NBPF8: variants seen among roughly 807,000 people sequenced by gnomAD.
NBPF8 encodes the protein NBPF member 8.
At chr1:120,435,694 GA>G (rs1388010319), upstream of NBPF8, among the ~76,000 whole-genome samples, 197 of 141,878 alleles carry the variant, frequency 1.4e-3, no homozygotes, top group South Asian at 0.013. Flanking sequence ...TACAAAAAAA[GA>G]AAAAAAAAAA....
intron 3 of NBPF8, among the ~76,000 whole-genome samples, chr1:120,428,136 T>C (rs1660772004): frequency 6.6e-6 from 1 of 152,026 alleles, no homozygotes; most frequent in African/African-American, 2.4e-5. Context: ...GTTTATAATA[T>C]GCAAATTTGT....
At chr1:120,464,334 G>C in intron 22 of NBPF8, 42 bp from the exon 21 acceptor site, 2 of 756,786 alleles carry the variant, frequency 2.6e-6, no homozygotes, top group Non-Finnish European at 4.7e-6. Context: ...TGTTGTGTCT[G>C]ATTTCCCCTG....
rs1486162575 is a variant in NBPF8 at position 120,442,905 on chromosome 1, C to T, written n.1013C>T. On this transcript the variant is annotated non_coding_transcript_exon_variant, in exon 6 of 25. Transcript: ENST00000583271. ...TGGTATCAGCCGGCCCTTTGTCCAG[C>T]GAGAAGGCAGAGATGAACATTCTAG... The T allele has an allele frequency of 1.7e-4, 31 of 178,634 alleles. 1 individual carries two copies. In the East Asian group the frequency reaches 2.6e-3, roughly 15 times the overall value. The allele number at this position is 178,634 out of a possible 1,614,324, so 11.1% of individuals were successfully genotyped here. A position where few individuals can be genotyped will look rare whatever the true frequency, so the allele number is the denominator to read the frequency against.
At chr1:120,449,749 G>C (rs1409551645) in intron 11 of NBPF8, among the ~76,000 whole-genome samples, 5 of 152,170 alleles carry the variant, frequency 3.3e-5, no homozygotes, top group Non-Finnish European at 7.3e-5. Flanking sequence ...CTAGTCTGTT[G>C]TTCTAAATGT....
exon 8 of NBPF8, chr1:120,445,975 A>T: frequency 9.3e-7 from 1 of 1,071,814 alleles, no homozygotes; most frequent in South Asian, 1.3e-5. Flanking sequence ...TCCCAGGGGC[A>T]GGACCTCCAA....
At chr1:120,459,701 T>G (rs1395713276) in intron 17 of NBPF8, among the ~76,000 whole-genome samples, 171 bp downstream of exon 15, 2 of 151,928 alleles carry the variant, frequency 1.3e-5, no homozygotes, top group East Asian at 1.9e-4. Flanking sequence ...AGCACAGGCA[T>G]GGGGTGGGTC....
chr1:120,462,189 A>T, exon 20 of NBPF8: 1 of 555,852 alleles, frequency 1.8e-6, no homozygotes, highest in Non-Finnish European at 3.1e-6. Context: ...AAGACCCATC[A>T]TGCCCCAGGT....
downstream of NBPF8, among the ~76,000 whole-genome samples, chr1:120,469,668 T>C (rs2101710417): frequency 6.6e-6 from 1 of 151,484 alleles, no homozygotes; most frequent in Non-Finnish European, 1.5e-5. Flanking sequence ...TAAAGAACAC[T>C]TTACCTAACT....
At chr1:120,415,602 C>A (rs1557924390), upstream of NBPF8, among the ~76,000 whole-genome samples, 1 of 152,180 alleles carries the variant, frequency 6.6e-6, no homozygotes, top group Admixed American at 6.5e-5. Flanking sequence ...TGACCCCGCA[C>A]CCCACCCTCG....
intron 18 of NBPF8, 73 bp downstream of exon 16, chr1:120,460,697 C>T: frequency 3.4e-6 from 3 of 875,980 alleles, no homozygotes; most frequent in Non-Finnish European, 3.8e-6. Flanking sequence ...GAAAACAGTA[C>T]ATGCTGAAAA....
rs1661366707 is a variant in NBPF8 at position 120,454,144 on chromosome 1, C to A, written n.2568+30C>A. 1.9e-6 allele frequency: 3 copies of A among 1,607,358 alleles called. No individual in the cohort carries two copies. In the South Asian group the frequency reaches 3.3e-5, roughly 18 times the overall value. ...CCTCTGTTTTCCTTGTGTCTCATACCTCTCTCTAGGCTGAGGAAGATAAAC... is the reference window on the plus strand; with the variant it reads ...CCTCTGTTTTCCTTGTGTCTCATACATCTCTCTAGGCTGAGGAAGATAAAC... On this transcript the variant is annotated intron_variant and non_coding_transcript_variant, in intron 15 of 24. Transcript: ENST00000583271.
At chr1:120,424,503 A>G (rs1324250490) in intron 1 of NBPF8, among the ~76,000 whole-genome samples, 1 of 152,054 alleles carries the variant, frequency 6.6e-6, no homozygotes, top group Non-Finnish European at 1.5e-5. Context: ...GCTCAAATGC[A>G]ACGGCGCCAT....
At chr1:120,415,203 C>A (rs1553244896), upstream of NBPF8, among the ~76,000 whole-genome samples, 1 of 152,164 alleles carries the variant, frequency 6.6e-6, no homozygotes, top group African/African-American at 2.4e-5. Context: ...AGGAGCGGGC[C>A]GAGGCGCGGC....
intron 1 of NBPF8, among the ~76,000 whole-genome samples, chr1:120,425,161 A>G (rs1250827977): frequency 1.6e-4 from 25 of 152,258 alleles, no homozygotes; most frequent in Non-Finnish European, 2.8e-4. Context: ...TCCCCCAGCC[A>G]GACACCCGTA....
chr1:120,420,999 C>A (rs1381414937), intron 1 of NBPF8, among the ~76,000 whole-genome samples: 1 of 144,766 alleles, frequency 6.9e-6, no homozygotes, highest in South Asian at 2.2e-4. Flanking sequence ...GACAAATGGA[C>A]GATGTCAGAC....
At chr1:120,462,024 C>A in intron 19 of NBPF8, 122 bp from the exon 18 acceptor site, 2 of 343,806 alleles carry the variant, frequency 5.8e-6, no homozygotes, top group Non-Finnish European at 1.0e-5. Context: ...AAGAATATCT[C>A]TCACAGTGTC....
chr1:120,434,229 T>C (rs1553247449), upstream of NBPF8, among the ~76,000 whole-genome samples: 5 of 139,946 alleles, frequency 3.6e-5, no homozygotes, highest in Non-Finnish European at 6.0e-5. Flanking sequence ...AAGAAAAAAA[T>C]ATATATATAT....
At chr1:120,425,432 C>A (rs1309971926) in intron 1 of NBPF8, among the ~76,000 whole-genome samples, 16 of 151,990 alleles carry the variant, frequency 1.1e-4, no homozygotes, top group African/African-American at 3.4e-4. Flanking sequence ...TTTTCTTTAC[C>A]TTGTTTATGA....
exon 25 of NBPF8, chr1:120,467,649 G>A (rs1228559652): frequency 4.1e-5 from 6 of 146,396 alleles, no homozygotes; most frequent in Non-Finnish European, 7.5e-5. Flanking sequence ...AGTGTCTGCT[G>A]TTGCAAAAAG....
Sources: gnomAD v4.1 joint callset for allele counts (sites outside exome capture counted in the v4.1 genomes callset) on GRCh38, gnomAD v4.1.1 for gene constraint, MANE v1.5 for transcripts, NCBI Gene and HGNC (gene_info 2026-07-23, HGNC 2026-07-21) for gene names.